The following THSD7B variants were observed in gnomAD, a reference collection of about 807,000 sequenced individuals.
The protein encoded by THSD7B is thrombospondin type-1 domain-containing protein 7B.
THSD7B carries 138 observed loss-of-function variants against 213.6 expected under a neutral mutation model. That is an observed-to-expected ratio of 0.65 (90% confidence interval 0.56 to 0.74). The LOEUF (loss-of-function observed/expected upper bound fraction) is 0.74. Among genes scored for constraint, THSD7B ranks in the 30% least tolerant of loss-of-function variants. THSD7B has a pLI of 0.00. For synonymous variants in THSD7B, 742 were observed against 687.0 expected, an observed-to-expected ratio of 1.08 and a Z score of -1.25; for missense variants, 1,931 against 1,991.5, an observed-to-expected ratio of 0.97 and a Z score of 0.58.
intron 5 of THSD7B, among the ~76,000 whole-genome samples, chr2:137,143,282 G>A (rs1350495391): frequency 6.6e-6 from 1 of 152,124 alleles, no homozygotes; most frequent in African/African-American, 2.4e-5. Flanking sequence ...CCCAGTTTTT[G>A]TGTGTGTAAA....
chr2:137,310,860 C>G (rs573431635), intron 12 of THSD7B, among the ~76,000 whole-genome samples: 1 of 152,242 alleles, frequency 6.6e-6, no homozygotes, highest in South Asian at 2.1e-4. Flanking sequence ...TTCCATTGAT[C>G]TATATCTCTG....
chr2:137,272,780 T>C (rs1007058881), intron 11 of THSD7B, 118 bp downstream of exon 11: 2 of 1,061,074 alleles, frequency 1.9e-6, no homozygotes, highest in Non-Finnish European at 2.7e-6. Flanking sequence ...GACATTTACA[T>C]ATCTTCAAAT....
At chr2:137,317,329 G>A (rs994318202) in intron 12 of THSD7B, among the ~76,000 whole-genome samples, 1 of 152,082 alleles carries the variant, frequency 6.6e-6, no homozygotes, top group African/African-American at 2.4e-5. Context: ...ATTGTATAAT[G>A]AGCCTATTTC....
Position 137,618,447 on chromosome 2 carries a change from C to T in THSD7B, c.3621C>T (p.Thr1207=). ...ENAPCGQGVR[T]RLLSCVCSDG... ...CACCCTGTGGTCAAGGCGTCAGGAC[C>T]CGCCTGCTAAGCTGTGTGTGCAGTG... Residue 1207 remains threonine, a synonymous_variant, in exon 19 of 28, where the codon ACC becomes ACT. Transcript: ENST00000409968. 1 of 1,613,910 alleles carries T rather than the reference C, an allele frequency of 6.2e-7. No individual in the cohort carries two copies. Among genetic ancestry groups the T allele is most frequent in the South Asian group, 1.1e-5 (1 of 91,074 alleles).
intron 2 of THSD7B, among the ~76,000 whole-genome samples, chr2:136,923,756 T>C (rs1169853472): frequency 6.6e-6 from 1 of 152,222 alleles, no homozygotes; most frequent in Non-Finnish European, 1.5e-5. Flanking sequence ...ATGTCTCTTT[T>C]GGAGAACTGT....
intron 3 of THSD7B, among the ~76,000 whole-genome samples, chr2:137,066,189 CTTTTTTTTTTT>C (rs70975797): frequency 1.7e-5 from 2 of 115,732 alleles, no homozygotes; most frequent in Non-Finnish European, 3.4e-5. Flanking sequence ...TGAGTTTTCA[CTTTTTTTTTTT>C]TTTTTTTTTG....
At chr2:137,669,531 G>C (rs373752143) in intron 27 of THSD7B, among the ~76,000 whole-genome samples, 1 of 152,102 alleles carries the variant, frequency 6.6e-6, no homozygotes, top group East Asian at 1.9e-4. Flanking sequence ...TGAAAGCTTT[G>C]TATGAGGTTT....
At chr2:137,309,583 G>A (rs1174587632) in intron 12 of THSD7B, among the ~76,000 whole-genome samples, 2 of 151,968 alleles carry the variant, frequency 1.3e-5, no homozygotes, top group Non-Finnish European at 2.9e-5. Flanking sequence ...GTATACATGT[G>A]TCATGCTGGT....
intron 15 of THSD7B, among the ~76,000 whole-genome samples, chr2:137,556,108 A>G (rs190793333): frequency 1.3e-5 from 2 of 152,340 alleles, no homozygotes; most frequent in East Asian, 3.9e-4. Context: ...ACCAAGTTGG[A>G]AAACACCCTG....
At chr2:137,559,707 C>G (rs561044282) in intron 15 of THSD7B, among the ~76,000 whole-genome samples, 9 of 152,148 alleles carry the variant, frequency 5.9e-5, no homozygotes, top group South Asian at 4.1e-4. Flanking sequence ...AGCCAAAATT[C>G]ACAAATGGGA....
intron 12 of THSD7B, among the ~76,000 whole-genome samples, chr2:137,304,765 C>G (rs926448251): frequency 6.6e-6 from 1 of 151,810 alleles, no homozygotes; most frequent in African/African-American, 2.4e-5. Context: ...TCCTTCTTTC[C>G]GTTTTTGTTT....
In THSD7B at chr2:137,068,135, C is replaced by T. The variant is rs143186990; in HGVS notation, c.950+10905C>T. On this transcript the variant is annotated intron_variant, in intron 3 of 27. Transcript: ENST00000409968. The stretch of plus-strand genomic sequence containing the variant: ...AGCCATTTTCTCTATGACTTCGATT[C>T]TCTGATGGATTTAAGAAGGGTTATT... Among the ~76,000 whole-genome samples, 15 of 152,102 alleles carry T rather than the reference C, an allele frequency of 9.9e-5. 1 individual carries two copies. Among genetic ancestry groups the T allele is most frequent in the Admixed American group, 5.2e-4 (8 of 15,252 alleles).
At position 137,412,597 on chromosome 2, in the gene THSD7B, C is replaced by CAAAAAAAAAAAAAAA. The variant is rs748551585; in HGVS notation, c.2959+738_2959+739insAAAAAAAAAAAAAAA. Among the ~76,000 whole-genome samples the CAAAAAAAAAAAAAAA allele has an allele frequency of 1.2e-4, 3 of 24,100 alleles. 1 individual carries two copies. The highest frequency in any genetic ancestry group is 2.7e-4 in the Non-Finnish European group (3 of 11,264). The allele number at this position is 24,100 out of a possible 152,430, so 15.8% of individuals were successfully genotyped here. ...GGGCAACGAGAGCAAAACTCTGTCT[C>CAAAAAAAAAAAAAAA]AAAAAAAAAAAAACAAAAAAAAACA... is the stretch of plus-strand genomic sequence containing the variant. On this transcript the variant is annotated intron_variant, in intron 14 of 27. Transcript: ENST00000409968.
intron 14 of THSD7B, among the ~76,000 whole-genome samples, chr2:137,443,274 G>T (rs928257501): frequency 6.6e-6 from 1 of 152,042 alleles, no homozygotes; most frequent in African/African-American, 2.4e-5. Context: ...GTTCTTTATA[G>T]GATTTGGCTG....
intron 2 of THSD7B, among the ~76,000 whole-genome samples, chr2:137,030,329 T>C (rs1686641553): frequency 6.6e-6 from 1 of 152,152 alleles, no homozygotes; most frequent in African/African-American, 2.4e-5. Context: ...TTTTTAAGGA[T>C]ATGGAGTATG....
chr2:137,009,879 CTA>C (rs1478226241), intron 2 of THSD7B, among the ~76,000 whole-genome samples: 1 of 152,210 alleles, frequency 6.6e-6, no homozygotes, highest in Non-Finnish European at 1.5e-5. Context: ...GGGAAGAGCT[CTA>C]TGTCTGGCAC....
chr2:137,628,569 T>C (rs1014115001), intron 20 of THSD7B, among the ~76,000 whole-genome samples: 1 of 150,786 alleles, frequency 6.6e-6, no homozygotes, highest in Non-Finnish European at 1.5e-5. Context: ...TTTGCGTCAG[T>C]GATGTCTTTC....
intron 7 of THSD7B, among the ~76,000 whole-genome samples, chr2:137,216,108 A>G (rs1055739779): frequency 1.3e-5 from 2 of 152,168 alleles, no homozygotes; most frequent in African/African-American, 4.8e-5. Flanking sequence ...TATGAATTTC[A>G]TGCATTCTGT....
intron 14 of THSD7B, among the ~76,000 whole-genome samples, chr2:137,439,852 G>C (rs1687366584): frequency 6.6e-6 from 1 of 151,950 alleles, no homozygotes; most frequent in African/African-American, 2.4e-5. Context: ...TTGTTTCATT[G>C]TTCATGATTA....
Sources: allele counts gnomAD v4.1 joint callset (sites outside exome capture counted in the v4.1 genomes callset), GRCh38; gene constraint gnomAD v4.1.1; transcripts MANE v1.5; gene names NCBI Gene and HGNC (gene_info 2026-07-23, HGNC 2026-07-21).